Variants in OSBPL2 observed in about 807,000 individuals in gnomAD.
OSBPL2 encodes the protein oxysterol-binding protein-related protein 2.
Under a neutral mutation model 58.4 loss-of-function variants are expected in OSBPL2, and 18 were observed. The ratio of observed to expected loss-of-function variants is 0.31; its 90% CI spans 0.21 to 0.46. The LOEUF is 0.46. Ranked by LOEUF, OSBPL2 falls within the 20% of genes least tolerant of loss-of-function variation. OSBPL2 has a pLI of 1.00. For synonymous variants in OSBPL2, 221 were observed against 234.1 expected (o/e 0.94, Z 0.51); for missense variants, 461 against 616.5 (o/e 0.75, Z 2.67).
chr20:62,264,111 C>T (rs1349919374), intron 4 of OSBPL2, among the ~76,000 whole-genome samples: 3 of 149,416 alleles, frequency 2.0e-5, no homozygotes, highest in Non-Finnish European at 3.0e-5. Context: ...TGTTTATAAA[C>T]AGCATGAGAT....
intron 9 of OSBPL2, 117 bp from the exon 10 acceptor site, chr20:62,283,929 T>A (rs1258674478): frequency 3.0e-6 from 3 of 994,228 alleles, no homozygotes; most frequent in East Asian, 4.9e-5. Flanking sequence ...TGTCCAGAGA[T>A]GTCCCAAGAT....
At chr20:62,256,298 TG>T in intron 2 of OSBPL2, 77 bp downstream of exon 2, 1 of 1,380,012 alleles carries the variant, frequency 7.2e-7, no homozygotes, top group Non-Finnish European at 1.0e-6. Flanking sequence ...ACCTGGCGTT[TG>T]GGGTGTAAAG....
At chr20:62,260,943 T>G (rs1371038133) in intron 3 of OSBPL2, among the ~76,000 whole-genome samples, 2 of 152,072 alleles carry the variant, frequency 1.3e-5, no homozygotes, top group Non-Finnish European at 2.9e-5. Flanking sequence ...TGAGCTACGA[T>G]GGCGCCGCTG....
At chr20:62,284,501 C>A in intron 10 of OSBPL2, 1 of 323,942 alleles carries the variant, frequency 3.1e-6, no homozygotes, top group Non-Finnish European at 5.9e-6. Context: ...CTTAGCCTCC[C>A]AAGTGGCTAG....
chr20:62,255,297 C>T (rs1327973734), intron 1 of OSBPL2: 2 of 151,720 alleles, frequency 1.3e-5, no homozygotes, highest in Non-Finnish European at 2.9e-5. Context: ...AGGGTTTCAC[C>T]ATGTTGTCCA....
chr20:62,242,982 A>G (rs1293663662), intron 1 of OSBPL2, among the ~76,000 whole-genome samples: 5 of 152,186 alleles, frequency 3.3e-5, no homozygotes, highest in African/African-American at 1.2e-4. Flanking sequence ...TGTGCTTTGT[A>G]CTGAATAAAC....
In OSBPL2 at chr20:62,289,334, C is replaced by T. The variant is rs3746657; in HGVS notation, c.1249+4C>T. The T allele has an allele frequency of 0.45, 730,477 of 1,609,824 alleles. 167,728 individuals carry two copies. Among genetic ancestry groups the T allele is most frequent in the East Asian group, 0.53 (23,915 of 44,750 alleles). On this transcript the variant is annotated splice_donor_region_variant and intron_variant, in intron 12 of 13. Transcript: ENST00000313733. ...GGCATGGAGAATGGCAACATGGGTGCGTCCACGCAGTCAGAGGAGGAAGCT... is the reference window on the plus strand; with the variant it reads ...GGCATGGAGAATGGCAACATGGGTGTGTCCACGCAGTCAGAGGAGGAAGCT...
At position 62,263,933 on chromosome 20, in the gene OSBPL2, A is replaced by C. The variant is rs374694949; in HGVS notation, c.258+242A>C. ...TCCAAAAATTAGCTGGGCGTGGTGGAGGGCGCCTGTAGTCCCAGCTACTCG... is the reference window on the plus strand; with the variant it reads ...TCCAAAAATTAGCTGGGCGTGGTGGCGGGCGCCTGTAGTCCCAGCTACTCG... On this transcript the variant is annotated intron_variant, in intron 4 of 13. Transcript: ENST00000313733. 7.7e-4 allele frequency among the ~76,000 whole-genome samples: 117 copies of C among 151,922 alleles called. No homozygotes were observed. In the East Asian group the frequency reaches 0.012, roughly 16 times the overall value.
In OSBPL2 at chr20:62,256,609, C is replaced by T. The variant is rs190771229; in HGVS notation, c.37+388C>T. On this transcript the variant is annotated intron_variant, in intron 2 of 13. Transcript: ENST00000313733. ...CTGGGTCTGCAGCTGCGCTCACAGC[C>T]GCAGAGTGCAGTTATTTTTTTCTTT... Among the ~76,000 whole-genome samples the T allele has an allele frequency of 4.1e-4, 63 of 152,304 alleles. No homozygotes were observed. The Middle Eastern group carries it at 0.01, about 25-fold the overall frequency.
intron 2 of OSBPL2, among the ~76,000 whole-genome samples, chr20:62,258,571 T>C (rs1378599288): frequency 2.6e-5 from 4 of 152,182 alleles, no homozygotes; most frequent in African/African-American, 9.7e-5. Flanking sequence ...TCATCTGTAT[T>C]TTCTGTTTTT....
chr20:62,281,238 T>G, intron 8 of OSBPL2, 73 bp downstream of exon 8: 1 of 1,100,696 alleles, frequency 9.1e-7, no homozygotes, highest in Non-Finnish European at 1.4e-6. Context: ...AGCGTGAGCA[T>G]CCGTGCTCCT....
intron 1 of OSBPL2, among the ~76,000 whole-genome samples, chr20:62,241,341 C>T (rs1007736340): frequency 1.2e-4 from 19 of 152,136 alleles, no homozygotes; most frequent in East Asian, 3.8e-4. Context: ...TACAGGCGCC[C>T]GCCACCACAC....
intron 7 of OSBPL2, 30 bp downstream of exon 7, chr20:62,279,369 G>A (rs374795970): frequency 1.6e-5 from 26 of 1,601,286 alleles, no homozygotes; most frequent in Middle Eastern, 1.7e-4. Flanking sequence ...GCTGAGATCC[G>A]CTTCCTGCAG....
chr20:62,283,110 G>A (rs1167966977), intron 9 of OSBPL2, among the ~76,000 whole-genome samples: 1 of 152,220 alleles, frequency 6.6e-6, no homozygotes, highest in Non-Finnish European at 1.5e-5. Context: ...AACACTCGCT[G>A]ACCCTCAGTG....
rs923317872 is a variant in OSBPL2, at chr20:62,288,896, G to A, written c.1126-311G>A. On this transcript the variant is annotated intron_variant, in intron 11 of 13. Transcript: ENST00000313733. This position sits in a 1 kb window ranked among gnomAD's most constrained non-coding sequence, Gnocchi z 4.8. ...AGGGTTTAGCAGTGGGAGACAGGTGGCGTGGCTGGAGTGTTTCCAGCAAGC... is the reference window on the plus strand; with the variant it reads ...AGGGTTTAGCAGTGGGAGACAGGTGACGTGGCTGGAGTGTTTCCAGCAAGC... Among the ~76,000 whole-genome samples the A allele has an allele frequency of 6.6e-6, 1 of 152,248 alleles. No homozygotes were observed. The highest frequency in any genetic ancestry group is 2.1e-4 in the South Asian group (1 of 4,826).
At chr20:62,293,167 C>A (rs1407001706) in intron 13 of OSBPL2, among the ~76,000 whole-genome samples, 12 of 142,906 alleles carry the variant, frequency 8.4e-5, no homozygotes, top group African/African-American at 3.0e-4. Flanking sequence ...CCGGCCTGTT[C>A]ATTGTTTTTT....
intron 11 of OSBPL2, among the ~76,000 whole-genome samples, chr20:62,287,491 C>T (rs559976994): frequency 6.1e-4 from 93 of 152,210 alleles, no homozygotes; most frequent in Non-Finnish European, 1.1e-3. Flanking sequence ...GAGTCTCGCT[C>T]TGTCACCCAG....
At chr20:62,279,369 G>T in intron 7 of OSBPL2, 30 bp downstream of exon 7, 6 of 1,601,412 alleles carry the variant, frequency 3.7e-6, no homozygotes, top group Non-Finnish European at 4.3e-6. Flanking sequence ...GCTGAGATCC[G>T]CTTCCTGCAG....
rs373848227 is a variant in OSBPL2 at position 62,267,921 on chromosome 20, C to T, written c.259-4204C>T. The stretch of plus-strand genomic sequence containing the variant: ...TTTTTTTGAGGGAGTCTCGCTCTGT[C>T]GCCCAGGCTAGAGTGCAGTGGCGCG... On this transcript the variant is annotated intron_variant, in intron 4 of 13. Coordinates refer to ENST00000313733, the MANE Select transcript of OSBPL2 (RefSeq NM_144498.4). 2.9e-3 allele frequency among the ~76,000 whole-genome samples: 439 copies of T among 152,188 alleles called. 3 individuals carry two copies. The highest frequency in any genetic ancestry group is 6.8e-3 in the Middle Eastern group (2 of 294).
Sources: allele counts gnomAD v4.1 joint callset (sites outside exome capture counted in the v4.1 genomes callset), GRCh38; gene constraint gnomAD v4.1.1; non-coding constraint Gnocchi (gnomAD v3.1); transcripts MANE v1.5; gene names NCBI Gene and HGNC (gene_info 2026-07-23, HGNC 2026-07-21).